PACRG: variants seen among roughly 807,000 people sequenced by gnomAD.
PACRG encodes parkin coregulated.
Under a neutral mutation model 29.7 loss-of-function variants are expected in PACRG, and 29 were observed. The observed-to-expected ratio is 0.98, with a 90% CI of 0.73 to 1.33. The LOEUF is 1.33. PACRG is among the 40% of genes most tolerant of loss of function. The pLI, the probability that PACRG is intolerant of heterozygous loss-of-function variation, is 0.00. For missense variants in PACRG, 279 were observed against 316.2 expected, an observed-to-expected ratio of 0.88 and a Z score of 0.89; for synonymous variants, 116 against 118.7, an observed-to-expected ratio of 0.98 and a Z score of 0.15.
At chr6:163,292,935 G>T (rs7773495) in intron 4 of PACRG, among the ~76,000 whole-genome samples, 21,579 of 152,110 alleles carry the variant, frequency 0.14, 2,982 homozygotes, top group African/African-American at 0.36. Flanking sequence ...ATGAGCAGGC[G>T]ATCTCACAAA....
chr6:163,230,363 T>C (rs1427990661), intron 4 of PACRG, among the ~76,000 whole-genome samples: 1 of 152,228 alleles, frequency 6.6e-6, no homozygotes, highest in African/African-American at 2.4e-5. Flanking sequence ...TAAGTCTACA[T>C]GCATAGAATT....
At chr6:163,013,339 A>C (rs1333264234) in intron 2 of PACRG, among the ~76,000 whole-genome samples, 3 of 152,046 alleles carry the variant, frequency 2.0e-5, no homozygotes, top group African/African-American at 7.3e-5. Flanking sequence ...GGAGTGTAAA[A>C]GTTTTGCTGC....
At chr6:163,130,931 G>A (rs1373037989) in intron 4 of PACRG, among the ~76,000 whole-genome samples, 1 of 152,164 alleles carries the variant, frequency 6.6e-6, no homozygotes, top group Non-Finnish European at 1.5e-5. Flanking sequence ...TTTGGAAATA[G>A]GATTGTGTAA....
intron 2 of PACRG, among the ~76,000 whole-genome samples, chr6:162,954,971 G>T (rs1160543290): frequency 2.0e-5 from 3 of 152,194 alleles, no homozygotes; most frequent in Admixed American, 2.0e-4. Context: ...TGACAAACCA[G>T]TTGCAGACCA....
chr6:162,871,745 T>C (rs1019870887), intron 2 of PACRG, among the ~76,000 whole-genome samples: 3 of 151,924 alleles, frequency 2.0e-5, no homozygotes, highest in Admixed American at 1.3e-4. Flanking sequence ...GGTGAAACCC[T>C]GTCTCTACTA....
intron 4 of PACRG, among the ~76,000 whole-genome samples, chr6:163,268,377 G>A (rs1214596455): frequency 4.2e-5 from 6 of 142,930 alleles, no homozygotes; most frequent in Non-Finnish European, 6.1e-5. Context: ...ACTCCAGCCT[G>A]GGTGACTAAG....
At position 163,017,309 on chromosome 6, in the gene PACRG, G is replaced by A. The variant is rs146085260; in HGVS notation, c.292-44841G>A. 1.8e-4 allele frequency among the ~76,000 whole-genome samples: 27 copies of A among 152,170 alleles called. No individual in the cohort carries two copies. In the East Asian group the frequency reaches 2.3e-3, roughly 13 times the overall value. The stretch of plus-strand genomic sequence containing the variant: ...AATATTGACTTCAGAGTATATAATC[G>A]GATTTTTACTACACTTACATTACAT... On this transcript the variant is annotated intron_variant, in intron 2 of 4. Transcript: ENST00000366888.
chr6:162,922,338 C>T (rs1797124962), intron 2 of PACRG, among the ~76,000 whole-genome samples: 1 of 150,644 alleles, frequency 6.6e-6, no homozygotes, highest in Admixed American at 6.7e-5. Flanking sequence ...CCCCCTCCTG[C>T]TCATGTCTAG....
At chr6:163,216,617 C>T (rs1781372988) in intron 4 of PACRG, among the ~76,000 whole-genome samples, 1 of 152,200 alleles carries the variant, frequency 6.6e-6, no homozygotes. Context: ...ACCCAGCCCT[C>T]AATAAACACC....
intron 4 of PACRG, among the ~76,000 whole-genome samples, chr6:163,119,629 T>C (rs1816176564): frequency 6.6e-6 from 1 of 152,230 alleles, no homozygotes; most frequent in South Asian, 2.1e-4. Flanking sequence ...TGACCAGATA[T>C]AGACAGGAGA....
chr6:162,804,182 G>A (rs1480275052), intron 1 of PACRG, among the ~76,000 whole-genome samples: 1 of 152,160 alleles, frequency 6.6e-6, no homozygotes, highest in Admixed American at 6.5e-5. Flanking sequence ...AGGATTACAA[G>A]TGATTTAATA....
At chr6:163,313,067 C>T (rs1785497425) in intron 4 of PACRG, among the ~76,000 whole-genome samples, 1 of 151,780 alleles carries the variant, frequency 6.6e-6, no homozygotes. Context: ...CTCTCTCTCT[C>T]TCTCTCTCTG....
intron 2 of PACRG, among the ~76,000 whole-genome samples, chr6:162,959,946 G>A (rs1258397263): frequency 6.6e-6 from 1 of 152,134 alleles, no homozygotes; most frequent in Non-Finnish European, 1.5e-5. Context: ...AGCGGGCAAA[G>A]GACATAAACA....
intron 3 of PACRG, among the ~76,000 whole-genome samples, chr6:163,070,743 C>G (rs534855947): frequency 3.0e-4 from 45 of 150,968 alleles, no homozygotes; most frequent in South Asian, 2.3e-3. Context: ...AATCTCCAAT[C>G]AAAAGGCACA....
At position 162,952,731 on chromosome 6, in the gene PACRG, A is replaced by T. The variant is rs988809230; in HGVS notation, c.292-109419A>T. 3.3e-4 allele frequency among the ~76,000 whole-genome samples: 51 copies of T among 152,318 alleles called. 1 individual carries two copies. The highest frequency in any genetic ancestry group is 3.3e-3 in the Admixed American group (51 of 15,304). ...TCAGTTACACGAAAGGGCCATGGGA[A>T]GTAGCATGCATCATCCTTAGTCTGG... On this transcript the variant is annotated intron_variant, in intron 2 of 4. Transcript: ENST00000366888.
chr6:163,206,148 T>C (rs970101211), intron 4 of PACRG, among the ~76,000 whole-genome samples: 1 of 152,178 alleles, frequency 6.6e-6, no homozygotes, highest in African/African-American at 2.4e-5. Flanking sequence ...TGGAAAGCAG[T>C]GTGGTGATTC....
intron 2 of PACRG, among the ~76,000 whole-genome samples, chr6:162,822,057 T>C (rs1293083175): frequency 6.6e-6 from 1 of 152,330 alleles, no homozygotes; most frequent in East Asian, 1.9e-4. Flanking sequence ...CGAAACTGTG[T>C]TTCACATGAT....
intron 1 of PACRG, among the ~76,000 whole-genome samples, chr6:162,769,058 C>T (rs931644661): frequency 6.6e-6 from 1 of 152,130 alleles, no homozygotes; most frequent in Non-Finnish European, 1.5e-5. Context: ...TCCCTTTTCC[C>T]ACCATGGTAA....
At chr6:163,290,855 C>T (rs142086073) in intron 4 of PACRG, among the ~76,000 whole-genome samples, 111 of 152,270 alleles carry the variant, frequency 7.3e-4, no homozygotes, top group Non-Finnish European at 1.2e-3. Flanking sequence ...GCGTGAGGTC[C>T]GGGTCAGGGA....
Sources: allele counts gnomAD v4.1 joint callset (sites outside exome capture counted in the v4.1 genomes callset), GRCh38; gene constraint gnomAD v4.1.1; transcripts MANE v1.5; gene names NCBI Gene and HGNC (gene_info 2026-07-23, HGNC 2026-07-21).